USH2A: variants seen among roughly 807,000 people sequenced by gnomAD.
USH2A encodes the protein usherin, also known as Usher syndrome 2A (autosomal recessive, mild).
In USH2A, 443 loss-of-function variants were observed where a neutral mutation model predicts 538.9. That is an observed-to-expected ratio of 0.82 (90% CI 0.76 to 0.89). The LOEUF is 0.89. USH2A is among the 40% of genes least tolerant of loss of function. The probability of loss-of-function intolerance (pLI) is 0.00; values close to 1 mark genes in which losing one functional copy is unlikely to be tolerated. For missense variants in USH2A, 6,633 were observed against 6,324.8 expected, an observed-to-expected ratio of 1.05 and a Z score of -1.65; for synonymous variants, 2,413 against 2,273.5, an observed-to-expected ratio of 1.06 and a Z score of -1.75.
At chr1:216,336,111 A>G (rs1187191330) in intron 4 of USH2A, among the ~76,000 whole-genome samples, 1 of 151,514 alleles carries the variant, frequency 6.6e-6, no homozygotes, top group East Asian at 1.9e-4. Context: ...GGCTGGTTCA[A>G]TGTACGAAAA....
At chr1:215,950,237 C>G (rs1324993676) in intron 37 of USH2A, among the ~76,000 whole-genome samples, 2 of 151,864 alleles carry the variant, frequency 1.3e-5, no homozygotes, top group Non-Finnish European at 2.9e-5. Flanking sequence ...AATAAAAAAC[C>G]TAAATATCCA....
At chr1:215,745,353 A>C (rs1660441613) in intron 58 of USH2A, among the ~76,000 whole-genome samples, 1 of 152,194 alleles carries the variant, frequency 6.6e-6, no homozygotes, top group Admixed American at 6.5e-5. Context: ...TGGCTTAAAA[A>C]CATGAGAGAC....
chr1:216,054,612 A>T (rs2030910526), intron 30 of USH2A, among the ~76,000 whole-genome samples: 1 of 152,154 alleles, frequency 6.6e-6, no homozygotes, highest in Admixed American at 6.5e-5. Context: ...TTCAGAGAAG[A>T]AAAAAGGACT....
chr1:216,133,087 G>A (rs1436592643), intron 21 of USH2A, among the ~76,000 whole-genome samples: 4 of 152,016 alleles, frequency 2.6e-5, no homozygotes, highest in Admixed American at 6.6e-5. Flanking sequence ...GGTCAAAGAA[G>A]TTTAGAAAAT....
At chr1:215,824,003 C>G (rs900737146) in intron 47 of USH2A, among the ~76,000 whole-genome samples, 1 of 152,012 alleles carries the variant, frequency 6.6e-6, no homozygotes, top group Non-Finnish European at 1.5e-5. Flanking sequence ...TAGAGTTCAC[C>G]TATCACCATC....
chr1:216,405,386 A>T (rs982655294), intron 3 of USH2A, among the ~76,000 whole-genome samples: 3 of 152,176 alleles, frequency 2.0e-5, no homozygotes, highest in African/African-American at 7.2e-5. Flanking sequence ...AGACATGGGG[A>T]GACATCACCG....
chr1:215,992,812 A>T (rs1167196635), intron 35 of USH2A, among the ~76,000 whole-genome samples: 2 of 152,190 alleles, frequency 1.3e-5, no homozygotes, highest in African/African-American at 2.4e-5. Flanking sequence ...CACAAAAACT[A>T]TCAAAAGGGA....
intron 3 of USH2A, among the ~76,000 whole-genome samples, chr1:216,413,207 C>A (rs1170450147): frequency 1.3e-5 from 2 of 152,032 alleles, no homozygotes; most frequent in East Asian, 3.8e-4. Context: ...CACATACACA[C>A]ACACACAGAG....
intron 12 of USH2A, among the ~76,000 whole-genome samples, chr1:216,247,970 A>G (rs917379687): frequency 1.3e-5 from 2 of 152,166 alleles, no homozygotes; most frequent in Non-Finnish European, 2.9e-5. Flanking sequence ...TGAAAACAGC[A>G]TATACACTTA....
intron 32 of USH2A, among the ~76,000 whole-genome samples, chr1:216,010,486 C>T (rs533093963): frequency 2.0e-5 from 3 of 151,884 alleles, no homozygotes; most frequent in East Asian, 1.9e-4. Context: ...ACTGCCCGAT[C>T]GCCTTGGAAG....
chr1:215,836,493 TATATA>T lies in USH2A; in HGVS notation c.9371+1493_9371+1497del, dbSNP rs1221114650. On this transcript the variant is annotated intron_variant, in intron 47 of 71. Coordinates refer to ENST00000307340, the MANE Select transcript of USH2A (RefSeq NM_206933.4). ...ATATATATATATAATATATATTATA[TATATA>T]ATATATATTATATATATATAATATA... Among the ~76,000 whole-genome samples, 15 of 18,268 alleles carry T rather than the reference TATATA, an allele frequency of 8.2e-4. 3 individuals are homozygous for T. The Admixed American group carries it at 0.017, about 21-fold the overall frequency. The allele number at this position is 18,268 out of a possible 152,430, so 12.0% of individuals were successfully genotyped here. A position where few individuals can be genotyped will look rare whatever the true frequency, so the allele number is the denominator to read the frequency against.
rs978105338 is a variant in USH2A at position 216,408,937 on chromosome 1, A to C, written c.651+9577T>G. On this transcript the variant is annotated intron_variant, in intron 3 of 71. Transcript: ENST00000307340. ...ATGTCATCACACTACACAGAACAGCACCCAATTTAAAACTTATGAATTGTT... is the reference window on the plus strand; with the variant it reads ...ATGTCATCACACTACACAGAACAGCCCCCAATTTAAAACTTATGAATTGTT... Among the ~76,000 whole-genome samples the C allele has an allele frequency of 2.0e-5, 3 of 152,272 alleles. No homozygotes were observed. The South Asian group carries it at 6.2e-4, about 32-fold the overall frequency.
rs910691220 is a variant in USH2A, at chr1:215,648,583, T to C, written c.14527A>G (p.Arg4843Gly). ...GGACTCCACCGGAAGGAGGCCGTCCTTGAGGCCAGCGTCCCGATTTGTGGA... is the reference window on the plus strand; with the variant it reads ...GGACTCCACCGGAAGGAGGCCGTCCCTGAGGCCAGCGTCCCGATTTGTGGA... The part of the protein sequence containing the change: ...SSPQIGTLAS[R>G]TASFRWSPPM... Residue 4843 changes from arginine (R) to glycine (G), a missense_variant, in exon 66 of 72, where the codon AGG becomes GGG. Coordinates refer to ENST00000307340, the MANE Select transcript of USH2A (RefSeq NM_206933.4). The C allele has an allele frequency of 4.3e-6, 7 of 1,614,098 alleles. No homozygotes were observed. The Admixed American group carries it at 5.0e-5, about 12-fold the overall frequency.
chr1:216,128,357 G>C (rs2033300714), intron 21 of USH2A, among the ~76,000 whole-genome samples: 1 of 152,010 alleles, frequency 6.6e-6, no homozygotes, highest in South Asian at 2.1e-4. Flanking sequence ...GTATGGATTT[G>C]AATTCACGTA....
At chr1:215,828,485 T>C (rs1251336393) in intron 47 of USH2A, among the ~76,000 whole-genome samples, 1 of 152,120 alleles carries the variant, frequency 6.6e-6, no homozygotes, top group East Asian at 1.9e-4. Context: ...TATTCATTAA[T>C]AACGATAGTG....
intron 41 of USH2A, among the ~76,000 whole-genome samples, chr1:215,884,537 T>C (rs1664999158): frequency 6.6e-6 from 1 of 152,248 alleles, no homozygotes; most frequent in South Asian, 2.1e-4. Context: ...AAAATGGGAA[T>C]GACAATAGCA....
chr1:216,234,829 T>C (rs922968758), intron 13 of USH2A, among the ~76,000 whole-genome samples: 2 of 151,998 alleles, frequency 1.3e-5, no homozygotes, highest in East Asian at 1.9e-4. Context: ...AGTCCAAGTT[T>C]TGGGGAATAA....
chr1:216,406,658 A>G (rs1386073240), intron 3 of USH2A, among the ~76,000 whole-genome samples: 1 of 152,150 alleles, frequency 6.6e-6, no homozygotes, highest in Non-Finnish European at 1.5e-5. Context: ...TGTTGCAGGT[A>G]TTTCAGAGGA....
At chr1:216,095,035 A>G (rs2032406610) in intron 22 of USH2A, among the ~76,000 whole-genome samples, 1 of 152,060 alleles carries the variant, frequency 6.6e-6, no homozygotes, top group Non-Finnish European at 1.5e-5. Context: ...GACCACTTAG[A>G]ATAATGCCTG....
Sources: gnomAD v4.1 joint callset for allele counts (sites outside exome capture counted in the v4.1 genomes callset) on GRCh38, gnomAD v4.1.1 for gene constraint, MANE v1.5 for transcripts, NCBI Gene and HGNC (gene_info 2026-07-23, HGNC 2026-07-21) for gene names.